The following NKAIN2 variants were observed in gnomAD, a reference collection of about 807,000 sequenced individuals.
NKAIN2 encodes the protein sodium/potassium-transporting ATPase subunit beta-1-interacting protein 2.
Under a neutral mutation model 32.6 loss-of-function variants are expected in NKAIN2, and 14 were observed. The observed-to-expected ratio is 0.43, with a 90% CI of 0.28 to 0.67. NKAIN2 has a LOEUF of 0.67. NKAIN2 is among the 30% of genes least tolerant of loss of function. The probability of loss-of-function intolerance (pLI) is 0.17; values close to 1 mark genes in which losing one functional copy is unlikely to be tolerated. For synonymous variants in NKAIN2, 80 were observed against 87.2 expected, an observed-to-expected ratio of 0.92 and a Z score of 0.46; for missense variants, 198 against 258.3, an observed-to-expected ratio of 0.77 and a Z score of 1.60.
At chr6:123,903,280 A>G (rs1319713351) in intron 1 of NKAIN2, among the ~76,000 whole-genome samples, 4 of 152,080 alleles carry the variant, frequency 2.6e-5, no homozygotes, top group Admixed American at 2.6e-4. Flanking sequence ...CCGTGAATCT[A>G]AATTTGTTTT....
At position 124,188,008 on chromosome 6, in the gene NKAIN2, A is replaced by G. The variant is rs114773778; in HGVS notation, c.55-94997A>G. The stretch of plus-strand genomic sequence containing the variant: ...TGTGTCATGGAAGCAATAGATGGTC[A>G]TTGCTTTCCTTATCTTTCCACCGTA... On this transcript the variant is annotated intron_variant, in intron 1 of 6. Coordinates refer to ENST00000368417, the MANE Select transcript of NKAIN2 (RefSeq NM_001040214.3). Among the ~76,000 whole-genome samples the G allele has an allele frequency of 4.4e-3, 675 of 152,310 alleles. 6 individuals are homozygous for G. Among genetic ancestry groups the G allele is most frequent in the African/African-American group, 0.016 (646 of 41,564 alleles).
At chr6:124,039,959 C>T (rs186258844) in intron 1 of NKAIN2, among the ~76,000 whole-genome samples, 1 of 152,078 alleles carries the variant, frequency 6.6e-6, no homozygotes, top group East Asian at 1.9e-4. Context: ...CACCTACATG[C>T]ACCTCCATTC....
intron 3 of NKAIN2, among the ~76,000 whole-genome samples, chr6:124,507,219 G>A (rs1778520143): frequency 6.6e-6 from 1 of 152,156 alleles, no homozygotes; most frequent in Non-Finnish European, 1.5e-5. Context: ...CCTTGAAAAT[G>A]TGGGGCATAT....
At chr6:124,468,461 G>A (rs1368178897) in intron 3 of NKAIN2, among the ~76,000 whole-genome samples, 1 of 152,012 alleles carries the variant, frequency 6.6e-6, no homozygotes, top group Non-Finnish European at 1.5e-5. Context: ...TGTTCCACAG[G>A]TACAGTTCTC....
chr6:124,038,047 G>T (rs1781685057), intron 1 of NKAIN2, among the ~76,000 whole-genome samples: 1 of 152,130 alleles, frequency 6.6e-6, no homozygotes, highest in Non-Finnish European at 1.5e-5. Context: ...TGTCTGGTGA[G>T]GGCTGAGCCT....
chr6:124,642,791 C>CT (rs1287028035), intron 3 of NKAIN2, among the ~76,000 whole-genome samples: 2 of 152,058 alleles, frequency 1.3e-5, no homozygotes, highest in Non-Finnish European at 2.9e-5. Context: ...TTAAAATTTG[C>CT]TTTTTTCCCT....
intron 2 of NKAIN2, among the ~76,000 whole-genome samples, chr6:124,294,166 T>C (rs992562237): frequency 3.3e-5 from 5 of 152,110 alleles, no homozygotes; most frequent in Non-Finnish European, 5.9e-5. Flanking sequence ...GTGTCATAAA[T>C]GGCGGAGAAG....
intron 1 of NKAIN2, among the ~76,000 whole-genome samples, chr6:124,279,550 G>C: frequency 6.7e-6 from 1 of 150,112 alleles, no homozygotes; most frequent in East Asian, 2.0e-4. Context: ...TAAAATTTGT[G>C]TCTTACTTAT....
intron 4 of NKAIN2, among the ~76,000 whole-genome samples, chr6:124,727,917 G>C (rs1217770224): frequency 1.4e-5 from 2 of 147,622 alleles, no homozygotes; most frequent in Non-Finnish European, 3.0e-5. Flanking sequence ...CCTAGTCTCT[G>C]ATAAAACAGA....
chr6:123,979,675 G>C (rs1778803792), intron 1 of NKAIN2, among the ~76,000 whole-genome samples: 1 of 152,144 alleles, frequency 6.6e-6, no homozygotes, highest in Non-Finnish European at 1.5e-5. Flanking sequence ...TGTTCTTCAT[G>C]TGTACTTCAT....
At chr6:124,359,128 C>G (rs909328817) in intron 3 of NKAIN2, among the ~76,000 whole-genome samples, 6 of 152,168 alleles carry the variant, frequency 3.9e-5, no homozygotes, top group Non-Finnish European at 5.9e-5. Context: ...TCACATTGGT[C>G]TGTATCTCTG....
intron 1 of NKAIN2, among the ~76,000 whole-genome samples, chr6:123,888,429 T>A (rs1281286944): frequency 6.6e-6 from 1 of 152,106 alleles, no homozygotes; most frequent in Non-Finnish European, 1.5e-5. Context: ...ACATTTTAAG[T>A]CTTAGAAAAT....
chr6:124,693,235 G>A (rs924714656), intron 4 of NKAIN2, among the ~76,000 whole-genome samples: 1 of 152,060 alleles, frequency 6.6e-6, no homozygotes, highest in East Asian at 1.9e-4. Context: ...TGTTTTCTAG[G>A]TTTAGACATG....
chr6:124,314,141 T>G (rs1796840078), intron 2 of NKAIN2, among the ~76,000 whole-genome samples: 1 of 152,086 alleles, frequency 6.6e-6, no homozygotes, highest in Non-Finnish European at 1.5e-5. Flanking sequence ...CTTTTTAGAA[T>G]ATGAAGTGCT....
intron 3 of NKAIN2, chr6:124,437,872 A>ATTTTTTTTT (rs374033234): frequency 2.0e-5 from 7 of 344,328 alleles, no homozygotes; most frequent in Admixed American, 1.2e-4. Flanking sequence ...TGATCTATTG[A>ATTTTTTTTT]TTTTTTTTTT....
intron 3 of NKAIN2, among the ~76,000 whole-genome samples, chr6:124,596,177 G>A (rs531813197): frequency 2.1e-4 from 32 of 152,278 alleles, no homozygotes; most frequent in African/African-American, 7.7e-4. Flanking sequence ...AGGGTCTGCC[G>A]AGGTACTGTC....
chr6:123,916,120 T>G (rs1207986913), intron 1 of NKAIN2, among the ~76,000 whole-genome samples: 4 of 152,020 alleles, frequency 2.6e-5, no homozygotes, highest in Non-Finnish European at 5.9e-5. Context: ...AAGATAAGGA[T>G]GTAGAGAGTG....
chr6:124,031,310 T>G (rs538540270), intron 1 of NKAIN2, among the ~76,000 whole-genome samples: 1 of 152,274 alleles, frequency 6.6e-6, no homozygotes, highest in Admixed American at 6.5e-5. Context: ...TTCTTCTTTA[T>G]TAGTCTTGCT....
At chr6:123,939,026 T>C (rs1776692574) in intron 1 of NKAIN2, among the ~76,000 whole-genome samples, 1 of 151,876 alleles carries the variant, frequency 6.6e-6, no homozygotes, top group Non-Finnish European at 1.5e-5. Flanking sequence ...CAGGAGACAT[T>C]ATAGCTGTAG....
Sources: allele counts gnomAD v4.1 joint callset (sites outside exome capture counted in the v4.1 genomes callset), GRCh38; gene constraint gnomAD v4.1.1; transcripts MANE v1.5; gene names NCBI Gene and HGNC (gene_info 2026-07-23, HGNC 2026-07-21).